The following TNFSF13 variants were observed in gnomAD, a reference collection of about 807,000 sequenced individuals.
TNFSF13 encodes TNF superfamily member 13.
A neutral mutation model predicts 30.7 loss-of-function variants in TNFSF13; 18 were observed. The ratio of observed to expected loss-of-function variants is 0.59; its 90% confidence interval spans 0.41 to 0.87. The LOEUF is 0.87. Ranked by LOEUF, TNFSF13 falls within the 40% of genes least tolerant of loss-of-function variation. The pLI is 0.00. For synonymous variants in TNFSF13, 116 were observed against 123.2 expected, an observed-to-expected ratio of 0.94 and a Z score of 0.39; for missense variants, 286 against 308.8, an observed-to-expected ratio of 0.93 and a Z score of 0.55.
rs925694364 is a variant in TNFSF13, at chr17:7,561,360, C to T, written c.*527C>T. 1.0e-5 allele frequency: 3 copies of T among 292,870 alleles called. No individual in the cohort carries two copies. Among genetic ancestry groups the T allele is most frequent in the Non-Finnish European group, 2.0e-5 (3 of 153,026 alleles). The allele number at this position is 292,870 out of a possible 1,614,324, so 18.1% of individuals were successfully genotyped here. A position where few individuals can be genotyped will look rare whatever the true frequency, so the allele number is the denominator to read the frequency against. On this transcript the variant is annotated 3_prime_UTR_variant, in exon 6 of 6. Coordinates refer to ENST00000338784, the MANE Select transcript of TNFSF13 (RefSeq NM_003808.4). The surrounding 1 kb of genome is among the most constrained non-coding windows in gnomAD (Gnocchi z 4.4). ...GATGTAGCTATTATGCGCCCGTCTA[C>T]AGGGGGTGCCCGACGATGACGGTGC...
At chr17:7,558,475 C>T (rs1024032584), upstream of TNFSF13, 1 of 152,578 alleles carries the variant, frequency 6.6e-6, no homozygotes, top group African/African-American at 2.4e-5. The surrounding 1 kb of genome is among the most constrained non-coding windows in gnomAD (Gnocchi z 4.3). Context: ...GCCTTAACCC[C>T]AGAACTCAGC....
chr17:7,561,256 C>T lies in TNFSF13; in HGVS notation c.*423C>T. ...CACACCTCTCTCCAGGTGCCCTCTGCCTCTTCACCCCACAAGAAGCCTTAT... is the reference window on the plus strand; with the variant it reads ...CACACCTCTCTCCAGGTGCCCTCTGTCTCTTCACCCCACAAGAAGCCTTAT... On this transcript the variant is annotated 3_prime_UTR_variant, in exon 6 of 6. Transcript: ENST00000338784. This position sits in a 1 kb window ranked among gnomAD's most constrained non-coding sequence, Gnocchi z 4.4. The T allele has an allele frequency of 1.7e-6, 1 of 587,040 alleles. No individual in the cohort carries two copies. The highest frequency in any genetic ancestry group is 2.0e-5 in the South Asian group (1 of 50,506). 36.4% of individuals were successfully genotyped at this position (587,040 alleles called of 1,614,324 possible).
chr17:7,559,092 TG>T lies in TNFSF13; in HGVS notation c.59del (p.Gly20AlafsTer14). 1 of 1,596,416 alleles carries T rather than the reference TG, an allele frequency of 6.3e-7. No individual in the cohort carries two copies. The highest frequency in any genetic ancestry group is 8.6e-7 in the Non-Finnish European group (1 of 1,167,512). On this transcript the variant is annotated frameshift_variant, in exon 1 of 6. Coordinates refer to ENST00000338784, the MANE Select transcript of TNFSF13 (RefSeq NM_003808.4). LOFTEE classifies it high-confidence loss of function. This position sits in a 1 kb window ranked among gnomAD's most constrained non-coding sequence, Gnocchi z 5.4. The part of the protein sequence containing the change: ...LLAPKGPPGN[M>X]GGPVREPALS... ...GCCCCCAAAGGGCCTCCAGGCAACATGGGGGGCCCAGTCAGAGAGCCGGCAC... is the reference window on the plus strand; with the variant it reads ...GCCCCCAAAGGGCCTCCAGGCAACATGGGGGCCCAGTCAGAGAGCCGGCAC...
chr17:7,560,932 A>T lies in TNFSF13; in HGVS notation c.*99A>T. The T allele has an allele frequency of 6.2e-7, 1 of 1,614,198 alleles. No homozygotes were observed. Among genetic ancestry groups the T allele is most frequent in the East Asian group, 2.2e-5 (1 of 44,888 alleles). ...ATATAAAGGAGAGGGAATGTGCAGGAACAGAGGCGTCTTCCTGGGTTTGGC... is the reference window on the plus strand; with the variant it reads ...ATATAAAGGAGAGGGAATGTGCAGGTACAGAGGCGTCTTCCTGGGTTTGGC... On this transcript the variant is annotated 3_prime_UTR_variant, in exon 6 of 6. Coordinates refer to ENST00000338784, the MANE Select transcript of TNFSF13 (RefSeq NM_003808.4).
At position 7,559,734 on chromosome 17, in the gene TNFSF13, G is replaced by T. The variant is rs1479083482; in HGVS notation, c.337+32G>T. 6.2e-7 allele frequency: 1 copy of T among 1,613,772 alleles called. No homozygotes were observed. The highest frequency in any genetic ancestry group is 1.7e-5 in the Admixed American group (1 of 59,988). ...CTTCCAGGGTGCAGCAGGGGTGGGA[G>T]GTGATCAAGCAGCGTGGGGATTGTA... On this transcript the variant is annotated intron_variant, in intron 2 of 5. Transcript: ENST00000338784. This position sits in a 1 kb window ranked among gnomAD's most constrained non-coding sequence, Gnocchi z 5.4.
Position 7,559,566 on chromosome 17 carries a change from G to A in TNFSF13, c.259-58G>A. On this transcript the variant is annotated intron_variant, in intron 1 of 5. Transcript: ENST00000338784. The surrounding 1 kb of genome is among the most constrained non-coding windows in gnomAD (Gnocchi z 5.4). ...TCGGGGGCAGGGGAGGGCTGGGAAG[G>A]CAGGCTGGCTGGGACCCTCGCATCT... 2 of 1,583,172 alleles carry A rather than the reference G, an allele frequency of 1.3e-6. No homozygotes were observed. Among genetic ancestry groups the A allele is most frequent in the Middle Eastern group, 1.7e-4 (1 of 5,898 alleles).
At position 7,560,958 on chromosome 17, in the gene TNFSF13, T is replaced by G; in HGVS notation, c.*125T>G. The stretch of plus-strand genomic sequence containing the variant: ...ACAGAGGCGTCTTCCTGGGTTTGGC[T>G]CCCCGTTCCTCACTTTTCCCTTTTC... On this transcript the variant is annotated 3_prime_UTR_variant, in exon 6 of 6. Coordinates refer to ENST00000338784, the MANE Select transcript of TNFSF13 (RefSeq NM_003808.4). The G allele has an allele frequency of 6.2e-7, 1 of 1,614,162 alleles. No homozygotes were observed. The highest frequency in any genetic ancestry group is 1.1e-5 in the South Asian group (1 of 91,086).
rs1441273087 is a variant in TNFSF13 at position 7,560,345 on chromosome 17, G to C, written c.505-5G>C. On this transcript the variant is annotated splice_polypyrimidine_tract_variant and splice_region_variant and intron_variant, in intron 4 of 5. Transcript: ENST00000338784. ...GTTTTCTTCAACATCTCCCTTCCCT[G>C]CCAGGTCCTGTTTCAAGACGTGACT... 1 of 1,614,094 alleles carries C rather than the reference G, an allele frequency of 6.2e-7. No homozygotes were observed. The highest frequency in any genetic ancestry group is 8.5e-7 in the Non-Finnish European group (1 of 1,180,010).
At position 7,559,084 on chromosome 17, in the gene TNFSF13, A is replaced by G; in HGVS notation, c.45A>G (p.Pro15=). 1 of 1,588,220 alleles carries G rather than the reference A, an allele frequency of 6.3e-7. No individual in the cohort carries two copies. The highest frequency in any genetic ancestry group is 8.6e-7 in the Non-Finnish European group (1 of 1,162,790). Residue 15 remains proline, a synonymous_variant, in exon 1 of 6, where the codon CCA becomes CCG. Coordinates refer to ENST00000338784, the MANE Select transcript of TNFSF13 (RefSeq NM_003808.4). This position sits in a 1 kb window ranked among gnomAD's most constrained non-coding sequence, Gnocchi z 5.4. ...TCTTGCTAGCCCCCAAAGGGCCTCC[A>G]GGCAACATGGGGGGCCCAGTCAGAG... ...SPFLLAPKGP[P]GNMGGPVREP...
Position 7,559,216 on chromosome 17 carries a change from G to A in TNFSF13, c.177G>A (p.Arg59=). 3.1e-6 allele frequency: 5 copies of A among 1,611,702 alleles called. No individual in the cohort carries two copies. Among genetic ancestry groups the A allele is most frequent in the Non-Finnish European group, 4.2e-6 (5 of 1,179,644 alleles). Residue 59 remains arginine, a synonymous_variant, in exon 1 of 6, where the codon AGG becomes AGA. Transcript: ENST00000338784. The surrounding 1 kb of genome is among the most constrained non-coding windows in gnomAD (Gnocchi z 5.4). Reference sequence around the variant, plus strand: ...AACAAACAGAGCTGCAGAGCCTCAGGAGAGAGGTGAGCCGGCTGCAGGGGA... The same window carrying A: ...AACAAACAGAGCTGCAGAGCCTCAGAAGAGAGGTGAGCCGGCTGCAGGGGA... ...LTQQTELQSL[R]REVSRLQGTG...
upstream of TNFSF13, chr17:7,558,740 C>A (rs769059120): frequency 1.2e-4 from 27 of 229,048 alleles, no homozygotes; most frequent in Admixed American, 1.7e-4. The surrounding 1 kb of genome is among the most constrained non-coding windows in gnomAD (Gnocchi z 4.3). Flanking sequence ...ACTGCCTGTT[C>A]CTCCTGGGTG....
In TNFSF13 at chr17:7,560,961, C is replaced by T. The variant is rs746729763; in HGVS notation, c.*128C>T. ...GAGGCGTCTTCCTGGGTTTGGCTCC[C>T]CGTTCCTCACTTTTCCCTTTTCATT... On this transcript the variant is annotated 3_prime_UTR_variant, in exon 6 of 6. Coordinates refer to ENST00000338784, the MANE Select transcript of TNFSF13 (RefSeq NM_003808.4). The T allele has an allele frequency of 5.6e-6, 9 of 1,614,164 alleles. No homozygotes were observed. The Admixed American group carries it at 8.3e-5, about 15-fold the overall frequency.
chr17:7,561,084 G>C lies in TNFSF13; in HGVS notation c.*251G>C. ...TGTAGATGAGGGGCGGGGGACGGGCGCCAGGCATTGTCCAGACCTGGTCGG... is the reference window on the plus strand; with the variant it reads ...TGTAGATGAGGGGCGGGGGACGGGCCCCAGGCATTGTCCAGACCTGGTCGG... On this transcript the variant is annotated 3_prime_UTR_variant, in exon 6 of 6. Coordinates refer to ENST00000338784, the MANE Select transcript of TNFSF13 (RefSeq NM_003808.4). This position sits in a 1 kb window ranked among gnomAD's most constrained non-coding sequence, Gnocchi z 4.4. 6.3e-7 allele frequency: 1 copy of C among 1,590,814 alleles called. No homozygotes were observed. The highest frequency in any genetic ancestry group is 1.4e-5 in the African/African-American group (1 of 69,674).
Position 7,560,917 on chromosome 17 carries a change from G to A in TNFSF13, c.*84G>A. On this transcript the variant is annotated 3_prime_UTR_variant, in exon 6 of 6. Coordinates refer to ENST00000338784, the MANE Select transcript of TNFSF13 (RefSeq NM_003808.4). Reference sequence around the variant, plus strand: ...AGCCAAGAGCTGAGTATATAAAGGAGAGGGAATGTGCAGGAACAGAGGCGT... The same window carrying A: ...AGCCAAGAGCTGAGTATATAAAGGAAAGGGAATGTGCAGGAACAGAGGCGT... The A allele has an allele frequency of 6.2e-7, 1 of 1,614,184 alleles. No individual in the cohort carries two copies. Among genetic ancestry groups the A allele is most frequent in the Non-Finnish European group, 8.5e-7 (1 of 1,180,020 alleles).
At chr17:7,560,316 T>C (rs200594104) in intron 4 of TNFSF13, 34 bp from the exon 5 acceptor site, 11 of 1,612,416 alleles carry the variant, frequency 6.8e-6, no homozygotes, top group Non-Finnish European at 9.3e-6. Context: ...AGCCAGGCCA[T>C]CCTGTTTTCT....
chr17:7,560,036 C>T lies in TNFSF13; in HGVS notation c.386-13C>T, dbSNP rs775415845. 1.3e-5 allele frequency: 21 copies of T among 1,614,030 alleles called. No homozygotes were observed. The highest frequency in any genetic ancestry group is 3.3e-5 in the Admixed American group (2 of 60,002). On this transcript the variant is annotated splice_polypyrimidine_tract_variant and intron_variant, in intron 3 of 5. Coordinates refer to ENST00000338784, the MANE Select transcript of TNFSF13 (RefSeq NM_003808.4). ...GTGCCAAGAAGTCCTGACCGACACA[C>T]TCTCACCTCCAGATGACTCCGATGT...
Position 7,559,155 on chromosome 17 carries a change from T to C in TNFSF13, c.116T>C (p.Leu39Pro). The C allele has an allele frequency of 6.2e-7, 1 of 1,612,632 alleles. No individual in the cohort carries two copies. Among genetic ancestry groups the C allele is most frequent in the Non-Finnish European group, 8.5e-7 (1 of 1,179,260 alleles). The part of the protein sequence containing the change: ...VALWLSWGAA[L>P]GAVACAMALL... ...CTCTGGTTGAGTTGGGGGGCAGCTC[T>C]GGGGGCCGTGGCTTGTGCCATGGCT... is the stretch of plus-strand genomic sequence containing the variant. The change falls in exon 1 of 6, where the codon CTG (leucine) becomes CCG (proline). Residue 39 changes from leucine (L) to proline (P), a missense_variant. Transcript: ENST00000338784. The surrounding 1 kb of genome is among the most constrained non-coding windows in gnomAD (Gnocchi z 5.4).
Position 7,559,186 on chromosome 17 carries a change from G to T in TNFSF13, c.147G>T (p.Leu49=). ...LGAVACAMAL[L]TQQTELQSLR... is the part of the protein sequence containing the mutation. The stretch of plus-strand genomic sequence containing the variant: ...CCGTGGCTTGTGCCATGGCTCTGCT[G>T]ACCCAACAAACAGAGCTGCAGAGCC... The change falls in exon 1 of 6, where the codon CTG becomes CTT. Residue 49 remains leucine, a synonymous_variant. Coordinates refer to ENST00000338784, the MANE Select transcript of TNFSF13 (RefSeq NM_003808.4). The surrounding 1 kb of genome is among the most constrained non-coding windows in gnomAD (Gnocchi z 5.4). 1 of 1,612,856 alleles carries T rather than the reference G, an allele frequency of 6.2e-7. No individual in the cohort carries two copies. Among genetic ancestry groups the T allele is most frequent in the African/African-American group, 1.3e-5 (1 of 75,046 alleles).
chr17:7,558,649 C>A, upstream of TNFSF13: 1 of 157,270 alleles, frequency 6.4e-6, no homozygotes. The surrounding 1 kb of genome is among the most constrained non-coding windows in gnomAD (Gnocchi z 4.3). Context: ...GCTTGGCCCC[C>A]CATCCTGCTC....
Sources: allele counts gnomAD v4.1 joint callset, GRCh38; gene constraint gnomAD v4.1.1; non-coding constraint Gnocchi (gnomAD v3.1); transcripts MANE v1.5; gene names NCBI Gene and HGNC (gene_info 2026-07-23, HGNC 2026-07-21).